The following NKAIN3 variants were observed in gnomAD, a reference collection of about 807,000 sequenced individuals.
NKAIN3 encodes sodium/potassium-transporting ATPase subunit beta-1-interacting protein 3.
In NKAIN3, 25 loss-of-function variants were observed where a neutral mutation model predicts 30.2. The ratio of observed to expected loss-of-function variants is 0.83; its 90% CI spans 0.60 to 1.16. The LOEUF is 1.16. Among genes scored for constraint, NKAIN3 ranks in the 50% most tolerant of loss-of-function variants. The probability of loss-of-function intolerance (pLI) is 0.00; values close to 1 mark genes in which losing one functional copy is unlikely to be tolerated. For synonymous variants in NKAIN3, 91 were observed against 89.6 expected (o/e 1.02, Z -0.09); for missense variants, 225 against 254.1 (o/e 0.89, Z 0.78).
At chr8:62,508,094 CG>C (rs1417425936) in intron 1 of NKAIN3, among the ~76,000 whole-genome samples, 2 of 152,124 alleles carry the variant, frequency 1.3e-5, no homozygotes, top group African/African-American at 2.4e-5. Flanking sequence ...TTATATGTCC[CG>C]TTCCCTAGAT....
intron 4 of NKAIN3, among the ~76,000 whole-genome samples, chr8:62,910,168 T>C (rs929310762): frequency 9.9e-5 from 15 of 152,146 alleles, no homozygotes; most frequent in Non-Finnish European, 2.1e-4. Flanking sequence ...CAGTTCTCTT[T>C]AGCACATAGA....
chr8:62,304,286 C>T (rs1390505490), intron 1 of NKAIN3, among the ~76,000 whole-genome samples: 1 of 150,348 alleles, frequency 6.7e-6, no homozygotes, highest in African/African-American at 2.5e-5. Flanking sequence ...TAGCTTGGTG[C>T]AAGTGTTTTT....
At position 62,594,406 on chromosome 8, in the gene NKAIN3, C is replaced by T. The variant is rs527473071; in HGVS notation, c.273+4612C>T. On this transcript the variant is annotated intron_variant, in intron 3 of 6. Coordinates refer to ENST00000623646, the MANE Select transcript of NKAIN3 (RefSeq NM_001304533.3). ...CTCCACACGGTGAATTGTTTGTCAC[C>T]ACCTGATCTTCCCTTCTCTTCACTC... Among the ~76,000 whole-genome samples, 7 of 152,164 alleles carry T rather than the reference C, an allele frequency of 4.6e-5. No individual in the cohort carries two copies. The East Asian group carries it at 1.4e-3, about 30-fold the overall frequency.
At chr8:62,462,665 A>G (rs182125227) in intron 1 of NKAIN3, among the ~76,000 whole-genome samples, 255 of 152,280 alleles carry the variant, frequency 1.7e-3, no homozygotes, top group African/African-American at 5.9e-3. Context: ...GGCAACTTGG[A>G]CTAGGAGACA....
At position 62,440,430 on chromosome 8, in the gene NKAIN3, C is replaced by T. The variant is rs192694826; in HGVS notation, c.55-139109C>T. Among the ~76,000 whole-genome samples, 12 of 152,260 alleles carry T rather than the reference C, an allele frequency of 7.9e-5. No homozygotes were observed. In the South Asian group the frequency reaches 1.4e-3, roughly 18 times the overall value. On this transcript the variant is annotated intron_variant, in intron 1 of 6. Coordinates refer to ENST00000623646, the MANE Select transcript of NKAIN3 (RefSeq NM_001304533.3). The stretch of plus-strand genomic sequence containing the variant: ...AATCAATTTAACCAATATATTAGCA[C>T]GTATGTCACTTTTCCTCAGTCTTAG...
chr8:62,795,178 G>C (rs900133792), intron 4 of NKAIN3, among the ~76,000 whole-genome samples: 1 of 152,096 alleles, frequency 6.6e-6, no homozygotes, highest in Non-Finnish European at 1.5e-5. Context: ...CACCAAGGAG[G>C]TCCCCCTTTG....
intron 1 of NKAIN3, among the ~76,000 whole-genome samples, chr8:62,530,084 G>T (rs1017738844): frequency 7.9e-5 from 12 of 152,100 alleles, no homozygotes; most frequent in Non-Finnish European, 1.2e-4. Flanking sequence ...CATAGAACTT[G>T]TAATTATAAT....
At chr8:62,608,075 G>A (rs554818177) in intron 3 of NKAIN3, among the ~76,000 whole-genome samples, 1 of 152,184 alleles carries the variant, frequency 6.6e-6, no homozygotes, top group South Asian at 2.1e-4. Context: ...GTGTGTCATT[G>A]TTAGCAATAA....
At chr8:62,919,684 G>C (rs1329099045) in intron 5 of NKAIN3, among the ~76,000 whole-genome samples, 2 of 152,196 alleles carry the variant, frequency 1.3e-5, no homozygotes, top group East Asian at 3.8e-4. Context: ...ATGAAGCAAA[G>C]TAGCTAGCCA....
chr8:62,827,958 C>T (rs969178517), intron 4 of NKAIN3, among the ~76,000 whole-genome samples: 2 of 151,988 alleles, frequency 1.3e-5, no homozygotes, highest in African/African-American at 2.4e-5. Flanking sequence ...TGAAGTTCTG[C>T]ACATGAAAGT....
chr8:62,858,171 T>C (rs918362127), intron 4 of NKAIN3, among the ~76,000 whole-genome samples: 2 of 151,988 alleles, frequency 1.3e-5, no homozygotes, highest in Admixed American at 1.3e-4. Context: ...TTCCTGTACC[T>C]GGAGGTATCA....
rs12541343 is a variant in NKAIN3 at position 62,846,277 on chromosome 8, C to T, written c.472-72176C>T. Among the ~76,000 whole-genome samples the T allele has an allele frequency of 9.9e-5, 15 of 152,146 alleles. 1 individual carries two copies. The South Asian group carries it at 3.1e-3, about 32-fold the overall frequency. On this transcript the variant is annotated intron_variant, in intron 4 of 6. Coordinates refer to ENST00000623646, the MANE Select transcript of NKAIN3 (RefSeq NM_001304533.3). The stretch of plus-strand genomic sequence containing the variant: ...CAAAGTTAAAAGAAAGTTTAGTTCC[C>T]TTTTAAATAACAGAATCTTCTTTTT...
At chr8:62,598,115 C>G (rs897939006) in intron 3 of NKAIN3, among the ~76,000 whole-genome samples, 10 of 151,946 alleles carry the variant, frequency 6.6e-5, no homozygotes, top group Non-Finnish European at 1.5e-4. Flanking sequence ...TAGCAAGGTA[C>G]AAGTTCTTGA....
At chr8:62,407,052 T>C (rs1028375821) in intron 1 of NKAIN3, among the ~76,000 whole-genome samples, 2 of 152,158 alleles carry the variant, frequency 1.3e-5, no homozygotes, top group Admixed American at 6.5e-5. Context: ...ACATTTGCAA[T>C]AATTTTTCTA....
chr8:62,521,201 T>A (rs915135632), intron 1 of NKAIN3, among the ~76,000 whole-genome samples: 3 of 151,894 alleles, frequency 2.0e-5, no homozygotes, highest in Non-Finnish European at 4.4e-5. Flanking sequence ...ATCGCACCAA[T>A]CGTCTCTCAA....
chr8:62,377,969 G>A (rs2129593765), intron 1 of NKAIN3, among the ~76,000 whole-genome samples: 1 of 152,292 alleles, frequency 6.6e-6, no homozygotes, highest in Middle Eastern at 3.4e-3. Context: ...AAGTGACTTT[G>A]GAACTGAGTA....
intron 6 of NKAIN3, among the ~76,000 whole-genome samples, chr8:62,964,537 A>AGAGAGTGTGTGT (rs1386858813): frequency 3.0e-5 from 4 of 133,228 alleles, no homozygotes; most frequent in African/African-American, 1.1e-4. Flanking sequence ...AGAGAGAGAG[A>AGAGAGTGTGTGT]GTGTGTGTGT....
At chr8:62,465,216 TAACATC>T (rs1010454689) in intron 1 of NKAIN3, among the ~76,000 whole-genome samples, 3 of 152,186 alleles carry the variant, frequency 2.0e-5, no homozygotes, top group African/African-American at 7.2e-5. Flanking sequence ...GCAAGTAACA[TAACATC>T]ATCAGATTTA....
intron 4 of NKAIN3, among the ~76,000 whole-genome samples, chr8:62,818,224 A>G (rs1306801181): frequency 6.6e-6 from 1 of 152,192 alleles, no homozygotes; most frequent in Non-Finnish European, 1.5e-5. Flanking sequence ...ACAGTTATAT[A>G]TGATGTTGCA....
Sources: gnomAD v4.1 joint callset for allele counts (sites outside exome capture counted in the v4.1 genomes callset) on GRCh38, gnomAD v4.1.1 for gene constraint, MANE v1.5 for transcripts, NCBI Gene and HGNC (gene_info 2026-07-23, HGNC 2026-07-21) for gene names.